Variants in CNMD observed in about 807,000 individuals in gnomAD.
CNMD encodes chondromodulin, also known as leukocyte cell-derived chemotaxin 1.
CNMD carries 30 observed loss-of-function variants against 37.5 expected under a neutral mutation model. The observed-to-expected ratio is 0.80, with a 90% CI of 0.60 to 1.09. The LOEUF is 1.09. CNMD is among the 50% of genes least tolerant of loss of function. CNMD has a pLI of 0.00. For synonymous variants in CNMD, 167 were observed against 148.2 expected, an observed-to-expected ratio of 1.13 and a Z score of -0.92; for missense variants, 398 against 423.9, an observed-to-expected ratio of 0.94 and a Z score of 0.54.
chr13:52,731,218 C>G (rs956963747), intron 3 of CNMD, among the ~76,000 whole-genome samples: 2 of 152,156 alleles, frequency 1.3e-5, no homozygotes, highest in Admixed American at 1.3e-4. Flanking sequence ...CATTGGAACA[C>G]GTTTTCCAAG....
intron 3 of CNMD, among the ~76,000 whole-genome samples, chr13:52,731,114 AT>A (rs1566230805): frequency 6.6e-6 from 1 of 152,002 alleles, no homozygotes; most frequent in Non-Finnish European, 1.5e-5. Flanking sequence ...TGAAATCCTG[AT>A]TATTCTTCAG....
Position 52,739,334 on chromosome 13 carries a change from G to C in CNMD, c.73-163C>G. 1.2e-6 allele frequency: 1 copy of C among 861,338 alleles called. No individual in the cohort carries two copies. Among genetic ancestry groups the C allele is most frequent in the South Asian group, 1.9e-5 (1 of 52,866 alleles). The allele number at this position is 861,338 out of a possible 1,614,324, so 53.4% of individuals were successfully genotyped here. ...TGCCCCTTTCGCCGCGCTCCCTCCC[G>C]AGGGTCCTTTGCAGTCGGGCGTGGA... On this transcript the variant is annotated intron_variant, in intron 1 of 6. Transcript: ENST00000377962. The surrounding 1 kb of genome is among the most constrained non-coding windows in gnomAD (Gnocchi z 5.4).
Position 52,708,636 on chromosome 13 carries a change from C to T in CNMD, c.689G>A (p.Ser230Asn). The T allele has an allele frequency of 6.2e-7, 1 of 1,613,934 alleles. No homozygotes were observed. The highest frequency in any genetic ancestry group is 8.5e-7 in the Non-Finnish European group (1 of 1,179,950). ...AGCGCCTGGGTTGCTCCGTGGTCCA[C>T]TGTGTGGTCTTTTTGTGGTAGTTGG... ...IVPTTTKRPH[S>N]GPRSNPGAGR... The change falls in exon 6 of 7, where the codon AGT becomes AAT. Residue 230 changes from serine to asparagine, a missense_variant. Transcript: ENST00000377962.
chr13:52,714,635 TTAAGAA>T (rs1964339350), intron 4 of CNMD, among the ~76,000 whole-genome samples: 1 of 152,176 alleles, frequency 6.6e-6, no homozygotes, highest in African/African-American at 2.4e-5. Context: ...CCTGAAGTGT[TTAAGAA>T]TAAAAGACTT....
chr13:52,708,782 TAAG>T, intron 5 of CNMD, 80 bp from the exon 6 acceptor site: 3 of 1,202,466 alleles, frequency 2.5e-6, no homozygotes, highest in South Asian at 1.6e-5. Context: ...GTGAAAAACA[TAAG>T]AAAAGGATAT....
intron 3 of CNMD, among the ~76,000 whole-genome samples, chr13:52,730,069 G>A (rs538976671): frequency 1.3e-5 from 2 of 150,648 alleles, no homozygotes; most frequent in East Asian, 3.9e-4. Context: ...GAGAACATGC[G>A]GTGTTTGCTT....
intron 3 of CNMD, among the ~76,000 whole-genome samples, chr13:52,725,884 C>G (rs1276205073): frequency 6.6e-6 from 1 of 152,200 alleles, no homozygotes; most frequent in Non-Finnish European, 1.5e-5. Context: ...ATGGATAGCT[C>G]TACCTTATGT....
intron 6 of CNMD, among the ~76,000 whole-genome samples, chr13:52,704,851 C>G (rs1397122933): frequency 6.6e-6 from 1 of 152,074 alleles, no homozygotes; most frequent in Admixed American, 6.5e-5. Flanking sequence ...CACCTGAGGT[C>G]AGGAGTTTGA....
chr13:52,736,441 T>G (rs1964766420), intron 2 of CNMD, among the ~76,000 whole-genome samples: 1 of 152,142 alleles, frequency 6.6e-6, no homozygotes, highest in African/African-American at 2.4e-5. Flanking sequence ...CAGCCCACCT[T>G]TTATGTGCAC....
intron 4 of CNMD, among the ~76,000 whole-genome samples, chr13:52,721,084 G>A (rs1267396888): frequency 2.0e-5 from 3 of 152,120 alleles, no homozygotes; most frequent in East Asian, 3.9e-4. Context: ...CTTCCTGGCG[G>A]CTTTGTTTAC....
chr13:52,723,093 G>A (rs766512471), intron 4 of CNMD, among the ~76,000 whole-genome samples: 4 of 151,468 alleles, frequency 2.6e-5, no homozygotes, highest in East Asian at 3.9e-4. Flanking sequence ...AGTCTCTTTC[G>A]GGTTTTTTTA....
chr13:52,724,197 C>G lies in CNMD; in HGVS notation c.355-87G>C, dbSNP rs192303695. ...GTCTACTGTGTTCCAGATGCTGTTC[C>G]GGGTGCTAGGGATAGGGATGAACAA... On this transcript the variant is annotated intron_variant, in intron 3 of 6. Coordinates refer to ENST00000377962, the MANE Select transcript of CNMD (RefSeq NM_007015.3). 9.1e-6 allele frequency: 9 copies of G among 984,004 alleles called. No homozygotes were observed. The African/African-American group carries it at 1.4e-4, about 16-fold the overall frequency. The allele number at this position is 984,004 out of a possible 1,614,324, so 61.0% of individuals were successfully genotyped here.
At chr13:52,728,251 T>A (rs1964607530) in intron 3 of CNMD, among the ~76,000 whole-genome samples, 1 of 151,924 alleles carries the variant, frequency 6.6e-6, no homozygotes, top group African/African-American at 2.4e-5. Context: ...TTGGGCGTGG[T>A]GGCGTGCACC....
chr13:52,720,225 A>G (rs1383534426), intron 4 of CNMD, among the ~76,000 whole-genome samples: 1 of 152,056 alleles, frequency 6.6e-6, no homozygotes, highest in Non-Finnish European at 1.5e-5. Flanking sequence ...CTAGTTAGCA[A>G]TTCCTCTAAC....
chr13:52,718,232 TTTC>T (rs1964423537), intron 4 of CNMD, among the ~76,000 whole-genome samples: 1 of 152,166 alleles, frequency 6.6e-6, no homozygotes, highest in Middle Eastern at 3.2e-3. Flanking sequence ...TCTTTTCTCT[TTTC>T]TTCTTTATTA....
At chr13:52,724,199 G>C in intron 3 of CNMD, 89 bp from the exon 4 acceptor site, 1 of 958,126 alleles carries the variant, frequency 1.0e-6, no homozygotes, top group Admixed American at 1.9e-5. Flanking sequence ...TGCTGTTCCG[G>C]GTGCTAGGGA....
chr13:52,730,575 G>T (rs1964648719), intron 3 of CNMD, among the ~76,000 whole-genome samples: 1 of 152,102 alleles, frequency 6.6e-6, no homozygotes, highest in Non-Finnish European at 1.5e-5. Context: ...GATGGCCAGT[G>T]ATGATGAGCA....
At chr13:52,719,296 T>C (rs1964441308) in intron 4 of CNMD, among the ~76,000 whole-genome samples, 1 of 152,160 alleles carries the variant, frequency 6.6e-6, no homozygotes, top group African/African-American at 2.4e-5. Flanking sequence ...CCTGTCTGTG[T>C]CTTTTAATTG....
chr13:52,722,892 G>A (rs58438456), intron 4 of CNMD, among the ~76,000 whole-genome samples: 1,583 of 152,302 alleles, frequency 0.01, 25 homozygotes, highest in African/African-American at 0.036. Flanking sequence ...CCAATGGGAA[G>A]AAGTTGTAGG....
Sources: gnomAD v4.1 joint callset for allele counts (sites outside exome capture counted in the v4.1 genomes callset) on GRCh38, gnomAD v4.1.1 for gene constraint, Gnocchi (gnomAD v3.1) non-coding constraint, MANE v1.5 for transcripts, NCBI Gene and HGNC (gene_info 2026-07-23, HGNC 2026-07-21) for gene names.